Variants in CHURC1 observed in about 807,000 individuals in gnomAD.
The protein encoded by CHURC1 is churchill domain containing 1.
In CHURC1, 12 loss-of-function variants were observed where a neutral mutation model predicts 15.4. That is an observed-to-expected ratio of 0.78 (90% CI 0.50 to 1.27). The LOEUF (loss-of-function observed/expected upper bound fraction) is 1.27, where lower values mean the gene tolerates loss of function less well. CHURC1 is among the 50% of genes most tolerant of loss of function. CHURC1 has a pLI of 0.00. For missense variants in CHURC1, 132 were observed against 137.8 expected (o/e 0.96, Z 0.21); for synonymous variants, 42 against 47.5 (o/e 0.88, Z 0.48).
In CHURC1 at chr14:64,933,424, A is replaced by G. The variant is rs999875733; in HGVS notation, c.*1194A>G. On this transcript the variant is annotated 3_prime_UTR_variant, in exon 4 of 4. Coordinates refer to ENST00000549115, the MANE Select transcript of CHURC1 (RefSeq NM_001386928.1). ...AGAATATCTTACTTTGCATAGTTTC[A>G]TGAGCACTGGCCAGGAGGTTATAAA... The G allele has an allele frequency of 7.1e-6, 7 of 985,364 alleles. No homozygotes were observed. The highest frequency in any genetic ancestry group is 1.2e-4 in the Admixed American group (2 of 16,266). 61.0% of individuals were successfully genotyped at this position (985,364 alleles called of 1,614,324 possible). A position where few individuals can be genotyped will look rare whatever the true frequency, so the allele number is the denominator to read the frequency against.
intron 3 of CHURC1, 131 bp downstream of exon 3, chr14:64,926,211 CTTTTTT>C: frequency 8.0e-5 from 15 of 187,538 alleles, no homozygotes; most frequent in Non-Finnish European, 1.3e-4. Flanking sequence ...GAGACTATGC[CTTTTTT>C]TTTTTTTTTT....
At chr14:64,929,236 T>G (rs1336449561) in intron 3 of CHURC1, among the ~76,000 whole-genome samples, 1 of 152,242 alleles carries the variant, frequency 6.6e-6, no homozygotes, top group African/African-American at 2.4e-5. Context: ...TTTTCCATAT[T>G]GCTGTCCATA....
rs1161758762 is a variant in CHURC1, at chr14:64,932,483, AAAC to A, written c.*257_*259del. On this transcript the variant is annotated 3_prime_UTR_variant, in exon 4 of 4. Transcript: ENST00000549115. ...CTTTGTTAGCAGTTATGTGGTCAGAAAACAACTAGAATGGGAGCACACCTGGTG... is the reference window on the plus strand; with the variant it reads ...CTTTGTTAGCAGTTATGTGGTCAGAAAACTAGAATGGGAGCACACCTGGTG... 8.5e-7 allele frequency: 1 copy of A among 1,173,362 alleles called. No homozygotes were observed. The highest frequency in any genetic ancestry group is 1.6e-5 in the African/African-American group (1 of 63,832). The allele number at this position is 1,173,362 out of a possible 1,614,324, so 72.7% of individuals were successfully genotyped here.
intron 3 of CHURC1, chr14:64,930,761 T>C (rs946561496): frequency 4.6e-6 from 2 of 436,402 alleles, no homozygotes; most frequent in Middle Eastern, 3.4e-4. Context: ...TTTCTCTTTT[T>C]GACTCTTTAC....
At chr14:64,927,721 C>G (rs12878695) in intron 3 of CHURC1, among the ~76,000 whole-genome samples, 1 of 88,752 alleles carries the variant, frequency 1.1e-5, no homozygotes, top group Non-Finnish European at 2.3e-5. Flanking sequence ...CCCCCACCCC[C>G]CCCCCCGCCG....
chr14:64,930,601 TC>T (rs751353864), intron 3 of CHURC1, among the ~76,000 whole-genome samples: 2 of 152,208 alleles, frequency 1.3e-5, no homozygotes, highest in Non-Finnish European at 2.9e-5. Flanking sequence ...TTAGGTTTTT[TC>T]CCCCTCCCAA....
chr14:64,926,172 G>T, intron 3 of CHURC1, 92 bp downstream of exon 3: 4 of 726,224 alleles, frequency 5.5e-6, no homozygotes, highest in South Asian at 2.2e-5. Flanking sequence ...TTTCATAAGT[G>T]AAGTGCAAAG....
At position 64,935,143 on chromosome 14, in the gene CHURC1, A is replaced by G. The variant is rs1362662509; in HGVS notation, c.*2913A>G. On this transcript the variant is annotated 3_prime_UTR_variant, in exon 4 of 4. Coordinates refer to ENST00000549115, the MANE Select transcript of CHURC1 (RefSeq NM_001386928.1). ...GATAGGAATTGAACAATGAGAACAC[A>G]TGGAGACAGGAAGGGGAACATCACA... The G allele has an allele frequency of 9.2e-6, 3 of 324,570 alleles. No individual in the cohort carries two copies. Among genetic ancestry groups the G allele is most frequent in the Non-Finnish European group, 1.3e-5 (3 of 226,740 alleles). 20.1% of individuals were successfully genotyped at this position (324,570 alleles called of 1,614,324 possible).
At chr14:64,922,156 G>A (rs1884349081) in intron 1 of CHURC1, among the ~76,000 whole-genome samples, 1 of 152,098 alleles carries the variant, frequency 6.6e-6, no homozygotes, top group African/African-American at 2.4e-5. Context: ...GGATAGAAAT[G>A]TTTTATACCT....
In CHURC1 at chr14:64,914,468, G is replaced by A. The variant is rs1308890142; in HGVS notation, c.-28G>A. The A allele has an allele frequency of 4.3e-6, 7 of 1,614,276 alleles. No individual in the cohort carries two copies. Among genetic ancestry groups the A allele is most frequent in the African/African-American group, 1.3e-5 (1 of 75,082 alleles). ...AGGTTTCGTCTTCCCGGAAGCGTTG[G>A]AGGACATTCCCTGTTGACTGCGTCG... On this transcript the variant is annotated 5_prime_UTR_variant, in exon 1 of 4. Transcript: ENST00000549115.
intron 1 of CHURC1, among the ~76,000 whole-genome samples, chr14:64,918,898 T>C (rs1011641319): frequency 6.6e-6 from 1 of 152,132 alleles, no homozygotes; most frequent in Non-Finnish European, 1.5e-5. Flanking sequence ...GAGTAAGTAA[T>C]AGTTAATTAT....
Position 64,934,432 on chromosome 14 carries a change from C to G in CHURC1, c.*2202C>G. On this transcript the variant is annotated 3_prime_UTR_variant, in exon 4 of 4. Coordinates refer to ENST00000549115, the MANE Select transcript of CHURC1 (RefSeq NM_001386928.1). The stretch of plus-strand genomic sequence containing the variant: ...CACACAGCTAGTGCAGTTACCCCCT[C>G]TCAGTAATTATGTTTGGCAAATATG... The G allele has an allele frequency of 3.0e-6, 3 of 985,214 alleles. No homozygotes were observed. Among genetic ancestry groups the G allele is most frequent in the Non-Finnish European group, 3.6e-6 (3 of 829,752 alleles). The allele number at this position is 985,214 out of a possible 1,614,324, so 61.0% of individuals were successfully genotyped here.
intron 3 of CHURC1, 39 bp downstream of exon 3, chr14:64,926,119 G>A (rs1157637225): frequency 7.0e-7 from 1 of 1,418,822 alleles, no homozygotes; most frequent in Non-Finnish European, 9.6e-7. Flanking sequence ...ATATGGGGAG[G>A]TTAGGGGAAT....
intron 3 of CHURC1, among the ~76,000 whole-genome samples, chr14:64,929,662 T>G (rs1322362390): frequency 6.6e-6 from 1 of 152,216 alleles, no homozygotes; most frequent in Non-Finnish European, 1.5e-5. Context: ...ATCTTCAAGT[T>G]GCTTTATTTA....
At chr14:64,920,848 T>C (rs1164748075) in intron 1 of CHURC1, among the ~76,000 whole-genome samples, 4 of 152,212 alleles carry the variant, frequency 2.6e-5, no homozygotes, top group Non-Finnish European at 4.4e-5. Flanking sequence ...CAATTCAAAC[T>C]CCAGTAGACT....
intron 3 of CHURC1, among the ~76,000 whole-genome samples, chr14:64,927,303 T>C (rs1395541500): frequency 7.2e-5 from 11 of 152,234 alleles, no homozygotes; most frequent in Admixed American, 6.5e-4. Context: ...TTATATGATA[T>C]GCGTAACTTA....
intron 1 of CHURC1, among the ~76,000 whole-genome samples, chr14:64,922,097 G>C (rs1884345005): frequency 6.6e-6 from 1 of 152,178 alleles, no homozygotes; most frequent in South Asian, 2.1e-4. Context: ...GTCTGGGGTG[G>C]GATGGAGGTT....
chr14:64,930,425 GT>G (rs1885015085), intron 3 of CHURC1, among the ~76,000 whole-genome samples: 1 of 152,160 alleles, frequency 6.6e-6, no homozygotes, highest in Admixed American at 6.5e-5. Flanking sequence ...TAAAAGACTT[GT>G]GGATTTTCCT....
chr14:64,926,175 G>A lies in CHURC1; in HGVS notation c.246+95G>A, dbSNP rs186035174. The A allele has an allele frequency of 6.1e-6, 4 of 659,340 alleles. No homozygotes were observed. The Admixed American group carries it at 1.2e-4, about 19-fold the overall frequency. The allele number at this position is 659,340 out of a possible 1,614,324, so 40.8% of individuals were successfully genotyped here. On this transcript the variant is annotated intron_variant, in intron 3 of 3. Coordinates refer to ENST00000549115, the MANE Select transcript of CHURC1 (RefSeq NM_001386928.1). ...TCTAAATACGGTTTTCATAAGTGAAGTGCAAAGCGTTAGCATATATTAAAG... is the reference window on the plus strand; with the variant it reads ...TCTAAATACGGTTTTCATAAGTGAAATGCAAAGCGTTAGCATATATTAAAG...
Sources: allele counts gnomAD v4.1 joint callset (sites outside exome capture counted in the v4.1 genomes callset), GRCh38; gene constraint gnomAD v4.1.1; transcripts MANE v1.5; gene names NCBI Gene and HGNC (gene_info 2026-07-23, HGNC 2026-07-21).